ICAM2: variants seen among roughly 807,000 people sequenced by gnomAD.
ICAM2 encodes the protein intercellular adhesion molecule 2.
ICAM2 carries 14 observed loss-of-function variants against 19.1 expected under a neutral mutation model. The observed-to-expected ratio is 0.73, with a 90% CI of 0.48 to 1.15. ICAM2 has a LOEUF of 1.15. Ranked by LOEUF, ICAM2 falls within the 50% of genes most tolerant of loss-of-function variation. ICAM2 has a pLI of 0.00. For synonymous variants in ICAM2, 153 were observed against 152.7 expected (o/e 1.00, Z -0.01); for missense variants, 311 against 355.4 (o/e 0.88, Z 1.00).
chr17:64,004,615 G>A (rs192577973), intron 3 of ICAM2: 81 of 206,494 alleles, frequency 3.9e-4, no homozygotes, highest in African/African-American at 1.7e-3. Context: ...TACCCTTAGC[G>A]CCAAGATGTC....
At chr17:64,003,015 C>T (rs1442245734) in intron 4 of ICAM2, 90 bp from the exon 5 acceptor site, 2 of 1,207,812 alleles carry the variant, frequency 1.7e-6, no homozygotes, top group Non-Finnish European at 2.3e-6. Flanking sequence ...CCAACCCAGA[C>T]CCCCAGACCC....
intron 1 of ICAM2, among the ~76,000 whole-genome samples, chr17:64,010,447 G>C (rs781328082): frequency 8.6e-5 from 13 of 151,660 alleles, no homozygotes; most frequent in Non-Finnish European, 1.6e-4. Context: ...TAGAGTCTCA[G>C]TTTAGAAAGT....
chr17:64,010,527 C>T (rs1911406813), intron 1 of ICAM2, among the ~76,000 whole-genome samples: 1 of 110,096 alleles, frequency 9.1e-6, no homozygotes, highest in Non-Finnish European at 1.9e-5. Flanking sequence ...TGACTTTCCT[C>T]TCTTGTTTGA....
Position 64,002,832 on chromosome 17 carries a change from A to G in ICAM2, c.743T>C (p.Phe248Ser). 1 of 1,613,956 alleles carries G rather than the reference A, an allele frequency of 6.2e-7. No individual in the cohort carries two copies. Among genetic ancestry groups the G allele is most frequent in the South Asian group, 1.1e-5 (1 of 91,080 alleles). ...FVTSVLLCFI[F>S]GQHLRQQRMG... Reference sequence around the variant, plus strand: ...CCGCTGCTGGCGCAAGTGCTGGCCGAAGATGAAGCAGAGCAGGACAGATGT... The same window carrying G: ...CCGCTGCTGGCGCAAGTGCTGGCCGGAGATGAAGCAGAGCAGGACAGATGT... The change falls in exon 5 of 5, where the codon TTC becomes TCC. Residue 248 changes from phenylalanine to serine, a missense_variant. Phe to Ser is a radical substitution (Grantham distance 155). Transcript: ENST00000579788.
At chr17:64,018,968 C>T (rs901080351) in intron 1 of ICAM2, among the ~76,000 whole-genome samples, 1 of 151,954 alleles carries the variant, frequency 6.6e-6, no homozygotes, top group East Asian at 1.9e-4. Context: ...GATCCTCCTG[C>T]CTTGGCCTCC....
intron 3 of ICAM2, chr17:64,004,208 A>G: frequency 1.9e-6 from 1 of 514,396 alleles, no homozygotes; most frequent in Non-Finnish European, 3.5e-6. Context: ...CAGAAATTGT[A>G]CAGCCAACTG....
intron 1 of ICAM2, among the ~76,000 whole-genome samples, chr17:64,007,990 CT>C (rs1911290766): frequency 6.6e-6 from 1 of 152,166 alleles, no homozygotes; most frequent in Non-Finnish European, 1.5e-5. Flanking sequence ...AGGGGAACCC[CT>C]GATGGGGCCT....
intron 1 of ICAM2, among the ~76,000 whole-genome samples, chr17:64,014,371 GAAA>G (rs1911585661): frequency 5.3e-5 from 3 of 56,106 alleles, no homozygotes; most frequent in African/African-American, 1.8e-4. Context: ...AAGAAAGAAA[GAAA>G]GAAAGGAAGG....
intron 1 of ICAM2, among the ~76,000 whole-genome samples, chr17:64,010,017 C>T (rs1158466081): frequency 6.6e-6 from 1 of 152,156 alleles, no homozygotes; most frequent in Non-Finnish European, 1.5e-5. Flanking sequence ...CCCCTTACCT[C>T]GACCAGTCAT....
chr17:64,014,678 AAAGGAAGGAAGGAAGGAAGGAAGGAAGG>A (rs1169331312), intron 1 of ICAM2, among the ~76,000 whole-genome samples: 8 of 130,224 alleles, frequency 6.1e-5, no homozygotes, highest in South Asian at 5.4e-4. Context: ...AGAAAGAAAG[AAAGGAAGGAAGGAAGGAAGGAAGGAAGG>A]AAGGAAGGAA....
intron 1 of ICAM2, among the ~76,000 whole-genome samples, chr17:64,012,278 C>T (rs1598023646): frequency 6.6e-6 from 1 of 152,136 alleles, no homozygotes; most frequent in East Asian, 1.9e-4. Context: ...GCCTGGACAA[C>T]ATAGTGAGAC....
intron 1 of ICAM2, among the ~76,000 whole-genome samples, chr17:64,014,791 G>A (rs2143242304): frequency 6.6e-6 from 1 of 152,082 alleles, no homozygotes; most frequent in Non-Finnish European, 1.5e-5. Flanking sequence ...AAATAAGTCT[G>A]ATGGCCAGGC....
At chr17:64,019,469 C>T (rs2143261669) in intron 1 of ICAM2, among the ~76,000 whole-genome samples, 1 of 152,150 alleles carries the variant, frequency 6.6e-6, no homozygotes, top group South Asian at 2.1e-4. Context: ...GAACAATAAA[C>T]ACAAAATTCC....
chr17:64,009,976 G>T (rs1178829262), intron 1 of ICAM2, among the ~76,000 whole-genome samples: 4 of 152,134 alleles, frequency 2.6e-5, no homozygotes, highest in African/African-American at 9.7e-5. Flanking sequence ...ACTCACAAAA[G>T]AATGCAGTTT....
chr17:64,014,704 AG>A (rs1170802642), intron 1 of ICAM2, among the ~76,000 whole-genome samples: 731 of 23,994 alleles, frequency 0.03, 7 homozygotes, highest in Middle Eastern at 0.083. Context: ...GAAGGAAGGA[AG>A]GAAGGAAGGA....
intron 2 of ICAM2, chr17:64,006,288 C>T (rs531741926): frequency 1.5e-4 from 32 of 218,974 alleles, no homozygotes; most frequent in South Asian, 2.0e-4. Context: ...GAGACCAAGG[C>T]GGGTGGATCA....
At chr17:64,020,176 T>A (rs1401599223) in intron 1 of ICAM2, among the ~76,000 whole-genome samples, 2 of 151,680 alleles carry the variant, frequency 1.3e-5, no homozygotes, top group African/African-American at 2.4e-5. Flanking sequence ...TCAGCTCAGA[T>A]GGTCCAGATC....
chr17:64,008,386 C>G (rs993710135), intron 1 of ICAM2, among the ~76,000 whole-genome samples: 2 of 152,176 alleles, frequency 1.3e-5, no homozygotes, highest in African/African-American at 4.8e-5. Flanking sequence ...AGTGGAGACT[C>G]TGTGTCCTCC....
chr17:64,014,385 A>AAAGAG, intron 1 of ICAM2, among the ~76,000 whole-genome samples: 1 of 64,378 alleles, frequency 1.6e-5, no homozygotes, highest in South Asian at 7.1e-4. Context: ...GAAAGGAAGG[A>AAAGAG]AGGAAGGAAG....
Sources: allele counts gnomAD v4.1 joint callset (sites outside exome capture counted in the v4.1 genomes callset), GRCh38; gene constraint gnomAD v4.1.1; transcripts MANE v1.5; gene names NCBI Gene and HGNC (gene_info 2026-07-23, HGNC 2026-07-21).